Variants in CCNK observed in about 807,000 individuals in gnomAD.
The protein encoded by CCNK is cyclin K.
In CCNK, 9 loss-of-function variants were observed where a neutral mutation model predicts 65.0. The ratio of observed to expected loss-of-function variants is 0.14; its 90% CI spans 0.08 to 0.24. The LOEUF (loss-of-function observed/expected upper bound fraction) is 0.24. CCNK is among the 10% of genes least tolerant of loss of function. The probability of loss-of-function intolerance (pLI) is 1.00; values close to 1 mark genes in which losing one functional copy is unlikely to be tolerated. For synonymous variants in CCNK, 279 were observed against 270.8 expected, an observed-to-expected ratio of 1.03 and a Z score of -0.30; for missense variants, 474 against 720.0, an observed-to-expected ratio of 0.66 and a Z score of 3.91.
At position 99,510,845 on chromosome 14, in the gene CCNK, T is replaced by G; in HGVS notation, c.*63T>G. 7.5e-7 allele frequency: 1 copy of G among 1,325,282 alleles called. No homozygotes were observed. The highest frequency in any genetic ancestry group is 9.8e-7 in the Non-Finnish European group (1 of 1,020,148). The allele number at this position is 1,325,282 out of a possible 1,614,324, so 82.1% of individuals were successfully genotyped here. The stretch of plus-strand genomic sequence containing the variant: ...TTTTCTAATCGACTTGCAGAGTAGT[T>G]GAAGTGGGTAAGCAGCAGGGTACCT... On this transcript the variant is annotated 3_prime_UTR_variant, in exon 11 of 11. Coordinates refer to ENST00000389879, the MANE Select transcript of CCNK (RefSeq NM_001099402.2).
chr14:99,510,006 G>T, intron 10 of CCNK, 151 bp from the exon 11 acceptor site: 4 of 718,262 alleles, frequency 5.6e-6, no homozygotes, highest in Middle Eastern at 8.0e-4. Context: ...GTGGCATCAG[G>T]ACATGGGGCA....
At position 99,502,228 on chromosome 14, in the gene CCNK, G is replaced by A. The variant is rs1442734747; in HGVS notation, c.597G>A (p.Leu199=). Reference sequence around the variant, plus strand: ...CTAGTCTCTGCACCACCTTGTCACTGCAGTGGGAACCAGAGATCATAGCAG... The same window carrying A: ...CTAGTCTCTGCACCACCTTGTCACTACAGTGGGAACCAGAGATCATAGCAG... ...VNDSLCTTLS[L]QWEPEIIAVA... The change falls in exon 7 of 11, where the codon CTG becomes CTA. Residue 199 remains leucine, a synonymous_variant. Transcript: ENST00000389879. The A allele has an allele frequency of 2.5e-6, 4 of 1,598,100 alleles. No homozygotes were observed. Among genetic ancestry groups the A allele is most frequent in the Non-Finnish European group, 3.4e-6 (4 of 1,171,784 alleles).
In CCNK at chr14:99,510,524, C is replaced by T. The variant is rs1409787654; in HGVS notation, c.1485C>T (p.Pro495=). The T allele has an allele frequency of 3.5e-6, 2 of 574,978 alleles. No individual in the cohort carries two copies. The highest frequency in any genetic ancestry group is 1.8e-5 in the South Asian group (1 of 56,678). 35.6% of individuals were successfully genotyped at this position (574,978 alleles called of 1,614,324 possible). The part of the protein sequence containing the change: ...PPVPPPPASF[P]PPAIPPPTPG... ...TGCCTCCTCCCCCAGCCTCCTTCCC[C>T]CCACCTGCCATCCCACCCCCTACTC... Residue 495 remains proline, a synonymous_variant, in exon 11 of 11, where the codon CCC becomes CCT. Coordinates refer to ENST00000389879, the MANE Select transcript of CCNK (RefSeq NM_001099402.2).
chr14:99,486,778 G>C (rs1313200228), intron 1 of CCNK, among the ~76,000 whole-genome samples: 1 of 152,126 alleles, frequency 6.6e-6, no homozygotes, highest in African/African-American at 2.4e-5. Flanking sequence ...AGGTGTATTA[G>C]GCATTACTTG....
intron 9 of CCNK, 112 bp downstream of exon 9, chr14:99,503,756 T>G (rs897716013): frequency 1.1e-6 from 1 of 892,914 alleles, no homozygotes; most frequent in Non-Finnish European, 1.7e-6. Flanking sequence ...ATCTTAACTT[T>G]AGAGCTCATA....
Position 99,510,268 on chromosome 14 carries a change from TGCA to T in CCNK, c.1230_1232del (p.His411del). On this transcript the variant is annotated inframe_deletion, in exon 11 of 11. Transcript: ENST00000389879. ...CCCCCTCCGGCCCACCCGGCCCCTGTGCACCAGCCACCGCCGCTGCCACACCGG... is the reference window on the plus strand; with the variant it reads ...CCCCCTCCGGCCCACCCGGCCCCTGTCCAGCCACCGCCGCTGCCACACCGG... 7.6e-7 allele frequency: 1 copy of T among 1,323,860 alleles called. No individual in the cohort carries two copies. Among genetic ancestry groups the T allele is most frequent in the Non-Finnish European group, 1.0e-6 (1 of 984,464 alleles). 82.0% of individuals were successfully genotyped at this position (1,323,860 alleles called of 1,614,324 possible). A position where few individuals can be genotyped will look rare whatever the true frequency, so the allele number is the denominator to read the frequency against.
intron 4 of CCNK, among the ~76,000 whole-genome samples, chr14:99,499,472 T>G (rs1011125766): frequency 2.0e-5 from 3 of 152,238 alleles, no homozygotes; most frequent in African/African-American, 4.8e-5. Flanking sequence ...CATCTCTGTA[T>G]CCTATAAAAT....
intron 10 of CCNK, chr14:99,509,234 G>A (rs1464367185): frequency 6.6e-6 from 1 of 152,288 alleles, no homozygotes; most frequent in Non-Finnish European, 1.5e-5. Flanking sequence ...TGTTGCTCCT[G>A]TGGTCTGTCT....
chr14:99,503,761 C>A, intron 9 of CCNK, 117 bp downstream of exon 9: 1 of 864,056 alleles, frequency 1.2e-6, no homozygotes, highest in Non-Finnish European at 1.8e-6. Context: ...AACTTTAGAG[C>A]TCATACAAAA....
At position 99,510,422 on chromosome 14, in the gene CCNK, G is replaced by GC; in HGVS notation, c.1389dup (p.Ala464ArgfsTer120). The GC allele has an allele frequency of 1.3e-6, 2 of 1,547,144 alleles. No homozygotes were observed. The highest frequency in any genetic ancestry group is 8.7e-7 in the Non-Finnish European group (1 of 1,146,696). ...CCGAGGGACCCTCCTACGGTGCCCTGCCCCCCGCCTACGGCCCACCTGCAC... is the reference window on the plus strand; with the variant it reads ...CCGAGGGACCCTCCTACGGTGCCCTGCCCCCCCGCCTACGGCCCACCTGCAC... On this transcript the variant is annotated frameshift_variant, in exon 11 of 11. Coordinates refer to ENST00000389879, the MANE Select transcript of CCNK (RefSeq NM_001099402.2). LOFTEE classifies it high-confidence loss of function.
At chr14:99,501,464 A>G in intron 6 of CCNK, 51 bp downstream of exon 6, 1 of 1,179,142 alleles carries the variant, frequency 8.5e-7, no homozygotes, top group Non-Finnish European at 1.3e-6. Flanking sequence ...ATAGGCAGAG[A>G]CTTTATGGAC....
intron 9 of CCNK, chr14:99,506,031 AAGGT>A (rs144398803): frequency 0.04 from 6,107 of 152,486 alleles, 410 homozygotes; most frequent in African/African-American, 0.14. Context: ...ACAGAGGCAA[AAGGT>A]AGAGTGTGAG....
chr14:99,496,095 T>TA (rs1425593915), intron 4 of CCNK, among the ~76,000 whole-genome samples: 1 of 152,218 alleles, frequency 6.6e-6, no homozygotes, highest in African/African-American at 2.4e-5. Flanking sequence ...CAGAGCTTGA[T>TA]ACTGGTCACA....
chr14:99,484,197 C>T (rs1204427672), intron 1 of CCNK, among the ~76,000 whole-genome samples: 2 of 152,198 alleles, frequency 1.3e-5, no homozygotes, highest in African/African-American at 4.8e-5. Flanking sequence ...TAAAGTAAGA[C>T]TAGTTGTGAT....
intron 4 of CCNK, among the ~76,000 whole-genome samples, chr14:99,496,997 T>G: frequency 6.8e-6 from 1 of 146,386 alleles, no homozygotes; most frequent in African/African-American, 2.5e-5. Context: ...AGATTTCCCA[T>G]ATACCCCCCA....
At chr14:99,496,057 A>G (rs368721826) in intron 4 of CCNK, among the ~76,000 whole-genome samples, 11 of 152,316 alleles carry the variant, frequency 7.2e-5, no homozygotes, top group African/African-American at 2.6e-4. Flanking sequence ...GTTGGAAGGT[A>G]TCAACATTTG....
At chr14:99,504,349 A>T (rs1281531911) in intron 9 of CCNK, 1 of 149,584 alleles carries the variant, frequency 6.7e-6, no homozygotes, top group Admixed American at 6.7e-5. Context: ...CTCGGTTCTT[A>T]GTTCCATTCA....
At chr14:99,501,587 A>C (rs1896826065) in intron 6 of CCNK, 174 bp downstream of exon 6, 1 of 583,514 alleles carries the variant, frequency 1.7e-6, no homozygotes, top group East Asian at 2.9e-5. Flanking sequence ...TTCCCGGCAG[A>C]GGGTTTCCTT....
chr14:99,492,517 G>A, intron 1 of CCNK, 109 bp from the exon 2 acceptor site: 2 of 616,112 alleles, frequency 3.2e-6, no homozygotes, highest in Non-Finnish European at 2.7e-6. Context: ...GCAATTGACA[G>A]TGTGGTTTCT....
Sources: allele counts gnomAD v4.1 joint callset (sites outside exome capture counted in the v4.1 genomes callset), GRCh38; gene constraint gnomAD v4.1.1; transcripts MANE v1.5; gene names NCBI Gene and HGNC (gene_info 2026-07-23, HGNC 2026-07-21).